Variants in LIMCH1 observed in about 807,000 individuals in gnomAD.
LIMCH1 encodes LIM and calponin homology domains-containing protein 1.
Under a neutral mutation model 176.5 loss-of-function variants are expected in LIMCH1, and 113 were observed. The ratio of observed to expected loss-of-function variants is 0.64; its 90% confidence interval spans 0.55 to 0.75. LIMCH1 has a LOEUF of 0.75. Among genes scored for constraint, LIMCH1 ranks in the 30% least tolerant of loss-of-function variants. The pLI is 0.00. For synonymous variants in LIMCH1, 619 were observed against 645.9 expected (o/e 0.96, Z 0.63); for missense variants, 1,674 against 1,814.9 (o/e 0.92, Z 1.41).
At chr4:41,414,533 T>C (rs2059758346) in intron 1 of LIMCH1, among the ~76,000 whole-genome samples, 1 of 152,220 alleles carries the variant, frequency 6.6e-6, no homozygotes, top group Non-Finnish European at 1.5e-5. Context: ...CAGCTAAGAC[T>C]GTAAATCCGT....
Position 41,648,658 on chromosome 4 carries a change from GGTGTGTGTGTGTGTGTGT to G in LIMCH1, c.2821-1710_2821-1693del, listed in dbSNP as rs71650941. 8.3e-4 allele frequency among the ~76,000 whole-genome samples: 112 copies of G among 135,400 alleles called. 1 individual carries two copies. In the South Asian group the frequency reaches 0.025, roughly 31 times the overall value. The allele number at this position is 135,400 out of a possible 152,430, so 88.8% of individuals were successfully genotyped here. ...GCCAGGACAGAAGCTAAGGGGTAGG[GGTGTGTGTGTGTGTGTGT>G]GTGTGTGTGTGTGTGTGTGTGTGTC... On this transcript the variant is annotated intron_variant, in intron 17 of 31. Coordinates refer to ENST00000503057, the MANE Select transcript of LIMCH1 (RefSeq NM_001330672.2).
chr4:41,612,627 T>A, intron 4 of LIMCH1: 1 of 702,556 alleles, frequency 1.4e-6, no homozygotes, highest in East Asian at 2.7e-5. Flanking sequence ...TGACTGACCT[T>A]TCTTCTGCTG....
chr4:41,620,817 C>G, intron 7 of LIMCH1, 127 bp downstream of exon 7: 6 of 1,079,404 alleles, frequency 5.6e-6, no homozygotes, highest in Non-Finnish European at 7.8e-6. Flanking sequence ...ATCACTGTTC[C>G]CTGCTCTGAG....
At chr4:41,519,917 T>A (rs2075950671) in intron 2 of LIMCH1, among the ~76,000 whole-genome samples, 1 of 152,212 alleles carries the variant, frequency 6.6e-6, no homozygotes, top group Non-Finnish European at 1.5e-5. Context: ...AGGATTCAAC[T>A]TTAAAACCTA....
intron 21 of LIMCH1, among the ~76,000 whole-genome samples, chr4:41,667,028 A>G (rs1028281350): frequency 1.3e-4 from 20 of 151,808 alleles, no homozygotes; most frequent in Non-Finnish European, 2.8e-4. Context: ...AATCGCTTGA[A>G]CCCAGGAGGC....
chr4:41,691,484 T>C (rs1586059337), intron 30 of LIMCH1, among the ~76,000 whole-genome samples: 1 of 151,554 alleles, frequency 6.6e-6, no homozygotes, highest in African/African-American at 2.4e-5. Flanking sequence ...CGGTGGCTCA[T>C]GCCTGTAATC....
intron 20 of LIMCH1, among the ~76,000 whole-genome samples, chr4:41,663,342 C>T (rs780882817): frequency 2.6e-5 from 4 of 151,842 alleles, no homozygotes; most frequent in South Asian, 2.1e-4. Flanking sequence ...TTAGTAGAGA[C>T]GGGGTTTCAC....
At chr4:41,447,037 C>A (rs545669060) in intron 1 of LIMCH1, among the ~76,000 whole-genome samples, 34 of 151,982 alleles carry the variant, frequency 2.2e-4, no homozygotes, top group African/African-American at 8.2e-4. Context: ...GAGACCAACC[C>A]GGGCAACATG....
At chr4:41,419,702 T>TCCTTCCTTCCTTCCTCCTTCCTCCCTC (rs1256398070) in intron 1 of LIMCH1, among the ~76,000 whole-genome samples, 1 of 95,828 alleles carries the variant, frequency 1.0e-5, no homozygotes, top group East Asian at 2.8e-4. Context: ...CTTCCTTCCT[T>TCCTTCCTTCCTTCCTCCTTCCTCCCTC]CCTTCCTTCC....
rs182717924 is a variant in LIMCH1, at chr4:41,556,510, G to A, written c.-241+18160G>A. On this transcript the variant is annotated intron_variant, in intron 1 of 31. Transcript: ENST00000503057. ...GATCATTAACTCTGCTATTAAATTA[G>A]CTACAAGTTTTTGAGTGCCCTGATG... 7.3e-4 allele frequency among the ~76,000 whole-genome samples: 111 copies of A among 151,854 alleles called. 1 individual carries two copies. The highest frequency in any genetic ancestry group is 2.2e-3 in the African/African-American group (90 of 41,392).
At chr4:41,383,718 T>C in intron 1 of LIMCH1, among the ~76,000 whole-genome samples, 1 of 152,178 alleles carries the variant, frequency 6.6e-6, no homozygotes, top group Admixed American at 6.5e-5. Flanking sequence ...TATATCTATA[T>C]CTATAGATCT....
intron 3 of LIMCH1, chr4:41,604,374 A>G (rs2090392430): frequency 4.4e-6 from 1 of 226,608 alleles, no homozygotes; most frequent in Non-Finnish European, 7.3e-6. Flanking sequence ...GTACTTGCCC[A>G]AATGAACTTT....
At chr4:41,477,173 A>T (rs2067872388) in intron 1 of LIMCH1, among the ~76,000 whole-genome samples, 1 of 152,188 alleles carries the variant, frequency 6.6e-6, no homozygotes, top group South Asian at 2.1e-4. Context: ...AAATTACTTA[A>T]TGGTCTGTAC....
At chr4:41,609,767 A>G in intron 4 of LIMCH1, 1 of 398,772 alleles carries the variant, frequency 2.5e-6, no homozygotes, top group South Asian at 1.9e-5. Flanking sequence ...GAGATTCTAG[A>G]TGAAAAGCAG....
chr4:41,424,141 C>T (rs1489433679), intron 1 of LIMCH1, among the ~76,000 whole-genome samples: 2 of 151,010 alleles, frequency 1.3e-5, no homozygotes, highest in Non-Finnish European at 3.0e-5. Context: ...TGACGTAGGG[C>T]TCCCTCTTTC....
chr4:41,506,087 T>C (rs1325544308), intron 2 of LIMCH1, among the ~76,000 whole-genome samples: 3 of 152,206 alleles, frequency 2.0e-5, no homozygotes, highest in African/African-American at 7.2e-5. Flanking sequence ...GTCATAGAAC[T>C]GAACTTAAAA....
intron 29 of LIMCH1, chr4:41,688,734 T>C: frequency 6.6e-6 from 1 of 152,432 alleles, no homozygotes; most frequent in Non-Finnish European, 1.5e-5. Context: ...CCTCAAGGTA[T>C]CCTCTCACCT....
chr4:41,512,645 T>C (rs2075069060), intron 2 of LIMCH1, among the ~76,000 whole-genome samples: 2 of 152,134 alleles, frequency 1.3e-5, no homozygotes, highest in Admixed American at 1.3e-4. Context: ...AAGAAACCAG[T>C]CATAAAAGAC....
At chr4:41,460,476 A>ATATATATATATATATATCTATCTATC (rs965621988) in intron 1 of LIMCH1, among the ~76,000 whole-genome samples, 1 of 142,666 alleles carries the variant, frequency 7.0e-6, no homozygotes, top group African/African-American at 2.7e-5. Context: ...ATATATATAT[A>ATATATATATATATATATCTATCTATC]TATCTTATAA....
Sources: gnomAD v4.1 joint callset for allele counts (sites outside exome capture counted in the v4.1 genomes callset) on GRCh38, gnomAD v4.1.1 for gene constraint, MANE v1.5 for transcripts, NCBI Gene and HGNC (gene_info 2026-07-23, HGNC 2026-07-21) for gene names.